The following PHF21A variants were observed in gnomAD, a reference collection of about 807,000 sequenced individuals.
The protein encoded by PHF21A is PHD finger protein 21A.
PHF21A carries 11 observed loss-of-function variants against 82.5 expected under a neutral mutation model. That is an observed-to-expected ratio of 0.13 (90% CI 0.08 to 0.22). The LOEUF is 0.22. PHF21A is among the 10% of genes least tolerant of loss of function. The pLI is 1.00. For missense variants in PHF21A, 579 were observed against 837.8 expected, an observed-to-expected ratio of 0.69 and a Z score of 3.81; for synonymous variants, 297 against 302.8, an observed-to-expected ratio of 0.98 and a Z score of 0.20.
rs1318577558 is a variant in PHF21A, at chr11:45,930,196, C to T, written c.*3772G>A. The T allele has an allele frequency of 6.6e-6, 1 of 152,292 alleles. No homozygotes were observed. Among genetic ancestry groups the T allele is most frequent in the Non-Finnish European group, 1.5e-5 (1 of 68,124 alleles). The allele number at this position is 152,292 out of a possible 1,614,324, so 9.4% of individuals were successfully genotyped here. On this transcript the variant is annotated 3_prime_UTR_variant, in exon 19 of 19. Coordinates refer to ENST00000676320, the MANE Select transcript of PHF21A (RefSeq NM_001352027.3). ...AGCCCAAGGGAGGCTCTGATGGCCC[C>T]AAGAGAGAAGTATCAGAGGTGGCTG...
At chr11:46,092,841 T>C (rs917721153) in intron 1 of PHF21A, among the ~76,000 whole-genome samples, 2 of 147,910 alleles carry the variant, frequency 1.4e-5, no homozygotes, top group Admixed American at 1.4e-4. Context: ...CACTGCAGCC[T>C]CAACCTCCCA....
At chr11:46,029,451 GC>G (rs1392550515) in intron 6 of PHF21A, among the ~76,000 whole-genome samples, 1 of 152,210 alleles carries the variant, frequency 6.6e-6, no homozygotes, top group African/African-American at 2.4e-5. Context: ...ACACGGGGAG[GC>G]CAAGGCGGGC....
At chr11:45,981,100 T>G (rs2094256914) in intron 6 of PHF21A, among the ~76,000 whole-genome samples, 1 of 152,086 alleles carries the variant, frequency 6.6e-6, no homozygotes, top group South Asian at 2.1e-4. Flanking sequence ...ATAACTATAT[T>G]GCTGGCCCAA....
chr11:46,084,090 C>T, intron 4 of PHF21A, 76 bp downstream of exon 4: 1 of 1,067,946 alleles, frequency 9.4e-7, no homozygotes, highest in Admixed American at 2.5e-5. Flanking sequence ...CTATACTAAA[C>T]ACCAGAGATG....
intron 6 of PHF21A, among the ~76,000 whole-genome samples, chr11:45,987,807 C>T (rs1437034464): frequency 1.3e-5 from 2 of 151,978 alleles, no homozygotes; most frequent in Non-Finnish European, 2.9e-5. Flanking sequence ...TACAGAACAC[C>T]GCTGCACATA....
rs55768306 is a variant in PHF21A at position 45,975,377 on chromosome 11, T to TAAAACAAAACAAAAC, written c.361-4011_361-4010insGTTTTGTTTTGTTTT. 8.5e-3 allele frequency among the ~76,000 whole-genome samples: 1,114 copies of TAAAACAAAACAAAAC among 130,510 alleles called. 19 individuals carry two copies. Among genetic ancestry groups the TAAAACAAAACAAAAC allele is most frequent in the Non-Finnish European group, 0.013 (811 of 60,150 alleles). The allele number at this position is 130,510 out of a possible 152,430, so 85.6% of individuals were successfully genotyped here. On this transcript the variant is annotated intron_variant, in intron 7 of 18. Transcript: ENST00000676320. ...TAAAATAAAATAAAATAAAATAAAA[T>TAAAACAAAACAAAAC]AAAACAAAACAAAATAAAATAAAAC...
intron 1 of PHF21A, chr11:46,120,291 A>G (rs1367744205): frequency 6.8e-6 from 1 of 146,740 alleles, no homozygotes; most frequent in Non-Finnish European, 1.5e-5. Flanking sequence ...CTTCCCCCCG[A>G]CAGCATCCCG....
chr11:45,940,813 G>A, intron 15 of PHF21A, among the ~76,000 whole-genome samples: 1 of 152,184 alleles, frequency 6.6e-6, no homozygotes, highest in Non-Finnish European at 1.5e-5. Context: ...ATCAGTGATG[G>A]AGTGAATGAG....
At chr11:46,020,074 C>T (rs2095599973) in intron 6 of PHF21A, among the ~76,000 whole-genome samples, 2 of 152,110 alleles carry the variant, frequency 1.3e-5, no homozygotes, top group Non-Finnish European at 2.9e-5. Context: ...AGGTTTCTCA[C>T]CACTCCATTT....
At chr11:45,948,522 C>A (rs1234027454) in intron 14 of PHF21A, among the ~76,000 whole-genome samples, 1 of 152,234 alleles carries the variant, frequency 6.6e-6, no homozygotes, top group Non-Finnish European at 1.5e-5. Context: ...CTATTAGGAA[C>A]ACCTTGGCAA....
intron 14 of PHF21A, among the ~76,000 whole-genome samples, chr11:45,947,808 T>TA (rs1274991652): frequency 6.6e-6 from 1 of 152,076 alleles, no homozygotes; most frequent in Non-Finnish European, 1.5e-5. Context: ...AAAAATAACT[T>TA]AGAGTACTGG....
chr11:46,009,772 C>T (rs969501610), intron 6 of PHF21A, among the ~76,000 whole-genome samples: 1 of 152,066 alleles, frequency 6.6e-6, no homozygotes, highest in African/African-American at 2.4e-5. Context: ...TAATTCTGCT[C>T]GTTCATTGTT....
intron 10 of PHF21A, among the ~76,000 whole-genome samples, chr11:45,961,587 T>A (rs1478547737): frequency 6.6e-6 from 1 of 152,180 alleles, no homozygotes; most frequent in African/African-American, 2.4e-5. Flanking sequence ...ACGTGGCAAT[T>A]TTTTTCCCCA....
chr11:45,980,084 A>C, intron 6 of PHF21A, 118 bp from the exon 7 acceptor site: 2 of 1,421,252 alleles, frequency 1.4e-6, no homozygotes, highest in East Asian at 4.9e-5. Context: ...ATTACATCTA[A>C]ATTTACACAG....
At chr11:46,049,785 G>A (rs2096320601) in intron 6 of PHF21A, among the ~76,000 whole-genome samples, 1 of 152,186 alleles carries the variant, frequency 6.6e-6, no homozygotes, top group African/African-American at 2.4e-5. Flanking sequence ...ACCCATTAGA[G>A]TCACGAATAG....
Position 45,979,814 on chromosome 11 carries a change from G to A in PHF21A, c.306C>T (p.His102=). 2 of 1,614,112 alleles carry A rather than the reference G, an allele frequency of 1.2e-6. No individual in the cohort carries two copies. The highest frequency in any genetic ancestry group is 8.5e-7 in the Non-Finnish European group (1 of 1,180,034). Residue 102 remains histidine (H), a synonymous_variant, in exon 7 of 19, where the codon CAC becomes CAT. Transcript: ENST00000676320. The stretch of plus-strand genomic sequence containing the variant: ...CAGCTGACTGCTGGGCGTGGTGGTG[G>A]TGGTACTGCTGCTGTTGTTGTAGTT... ...LQQLQQQQQY[H]HHHAQQSAAA...
chr11:46,014,057 T>A (rs1451765224), intron 6 of PHF21A, among the ~76,000 whole-genome samples: 1 of 152,178 alleles, frequency 6.6e-6, no homozygotes, highest in Non-Finnish European at 1.5e-5. Context: ...GCAGGTTTCT[T>A]ATAACAGCAT....
intron 6 of PHF21A, among the ~76,000 whole-genome samples, chr11:46,031,388 T>G (rs2095863978): frequency 6.6e-6 from 1 of 152,152 alleles, no homozygotes; most frequent in Non-Finnish European, 1.5e-5. Context: ...ATTATGTCAC[T>G]TCCTTGGATA....
At chr11:46,059,758 A>T (rs1022034018) in intron 6 of PHF21A, among the ~76,000 whole-genome samples, 3 of 151,522 alleles carry the variant, frequency 2.0e-5, no homozygotes, top group Non-Finnish European at 4.4e-5. Flanking sequence ...ACAGAGTCTC[A>T]CTCTGTTGCC....
Sources: allele counts gnomAD v4.1 joint callset (sites outside exome capture counted in the v4.1 genomes callset), GRCh38; gene constraint gnomAD v4.1.1; transcripts MANE v1.5; gene names NCBI Gene and HGNC (gene_info 2026-07-23, HGNC 2026-07-21).